Variants in TDP1 observed in about 807,000 individuals in gnomAD.
TDP1 encodes tyrosyl-DNA phosphodiesterase 1.
TDP1 carries 64 observed loss-of-function variants against 81.5 expected under a neutral mutation model. The ratio of observed to expected loss-of-function variants is 0.79; its 90% CI spans 0.64 to 0.97. The LOEUF (loss-of-function observed/expected upper bound fraction) is 0.97. TDP1 is among the 50% of genes least tolerant of loss of function. The pLI is 0.00. For missense variants in TDP1, 723 were observed against 743.8 expected (o/e 0.97, Z 0.33); for synonymous variants, 256 against 264.3 (o/e 0.97, Z 0.30).
intron 5 of TDP1, among the ~76,000 whole-genome samples, chr14:89,969,073 G>C (rs1893279754): frequency 6.6e-6 from 1 of 152,220 alleles, no homozygotes; most frequent in Admixed American, 6.5e-5. Context: ...GAAGCTGGGA[G>C]AGAGGCTTGG....
rs903371895 is a variant in TDP1 at position 89,963,375 on chromosome 14, G to T, written c.261G>T (p.Trp87Cys). Residue 87 changes from tryptophan to cysteine, a missense_variant, in exon 3 of 17, where the codon TGG becomes TGT. Trp to Cys is a radical substitution (Grantham distance 215). Coordinates refer to ENST00000335725, the MANE Select transcript of TDP1 (RefSeq NM_018319.4). Reference protein sequence around the residue: ...QKSGSQEDLGWCLSSSDDELQ... With the variant: ...QKSGSQEDLGCCLSSSDDELQ... ...GCGGTTCCCAGGAGGACCTCGGCTG[G>T]TGTCTGTCCAGCAGTGATGATGAGC... 6.2e-7 allele frequency: 1 copy of T among 1,614,198 alleles called. No individual in the cohort carries two copies. The highest frequency in any genetic ancestry group is 8.5e-7 in the Non-Finnish European group (1 of 1,180,040).
intron 14 of TDP1, among the ~76,000 whole-genome samples, chr14:89,994,619 G>A (rs948559344): frequency 1.3e-5 from 2 of 152,200 alleles, no homozygotes; most frequent in African/African-American, 4.8e-5. Context: ...TTGACTGTGG[G>A]AACACAAAGA....
rs58527505 is a variant in TDP1 at position 89,998,435 on chromosome 14, T to C, written c.1541+4952T>C. ...ATATATATATATATGTATGTATGTATGTATGTATATGTATATGTATATATA... is the reference window on the plus strand; with the variant it reads ...ATATATATATATATGTATGTATGTACGTATGTATATGTATATGTATATATA... On this transcript the variant is annotated intron_variant, in intron 14 of 16. Transcript: ENST00000335725. 1.2e-3 allele frequency among the ~76,000 whole-genome samples: 149 copies of C among 124,448 alleles called. 9 individuals carry two copies. The highest frequency in any genetic ancestry group is 5.8e-3 in the African/African-American group (138 of 23,818). The allele number at this position is 124,448 out of a possible 152,430, so 81.6% of individuals were successfully genotyped here.
At chr14:89,987,537 G>A (rs1336250449) in intron 10 of TDP1, among the ~76,000 whole-genome samples, 1 of 152,210 alleles carries the variant, frequency 6.6e-6, no homozygotes, top group Non-Finnish European at 1.5e-5. Context: ...AGAGGAGGAA[G>A]CAAGCAGGTG....
Position 89,971,256 on chromosome 14 carries a change from C to T in TDP1, c.741C>T (p.Asn247=), listed in dbSNP as rs772034428. ...ATGCCCAGGCCAAGCCTTACGAGAACATCTCTCTCTGCCAGGTAAGCCACT... is the reference window on the plus strand; with the variant it reads ...ATGCCCAGGCCAAGCCTTACGAGAATATCTCTCTCTGCCAGGTAAGCCACT... The part of the protein sequence containing the change: ...HLHAQAKPYE[N]ISLCQAKLDI... Residue 247 remains asparagine, a synonymous_variant, in exon 6 of 17, where the codon AAC becomes AAT. Coordinates refer to ENST00000335725, the MANE Select transcript of TDP1 (RefSeq NM_018319.4). 1.2e-6 allele frequency: 2 copies of T among 1,614,010 alleles called. No individual in the cohort carries two copies. Among genetic ancestry groups the T allele is most frequent in the Admixed American group, 1.7e-5 (1 of 60,028 alleles).
At chr14:89,964,294 C>T (rs1258488938) in intron 3 of TDP1, among the ~76,000 whole-genome samples, 2 of 152,214 alleles carry the variant, frequency 1.3e-5, no homozygotes, top group South Asian at 2.1e-4. Flanking sequence ...TCTCCTTATT[C>T]CTCAGGGAGC....
chr14:90,025,737 T>C (rs1886571667), intron 15 of TDP1, among the ~76,000 whole-genome samples: 1 of 152,246 alleles, frequency 6.6e-6, no homozygotes, highest in East Asian at 1.9e-4. Context: ...ATAGGAAAGC[T>C]GTGATTATTT....
chr14:89,958,138 G>C (rs1380426175), intron 2 of TDP1, among the ~76,000 whole-genome samples: 1 of 152,190 alleles, frequency 6.6e-6, no homozygotes, highest in Non-Finnish European at 1.5e-5. Flanking sequence ...CCAGACGAGG[G>C]GGATGCAGTA....
Position 89,996,024 on chromosome 14 carries a change from CA to C in TDP1, c.1541+2544del, listed in dbSNP as rs574852709. On this transcript the variant is annotated intron_variant, in intron 14 of 16. Transcript: ENST00000335725. ...ACATGGATGCTTTGGAAATAGCTGT[CA>C]AAGCCTATTTATCTTTGAAATGTTT... 7.2e-5 allele frequency among the ~76,000 whole-genome samples: 11 copies of C among 152,324 alleles called. No individual in the cohort carries two copies. In the East Asian group the frequency reaches 2.1e-3, roughly 29 times the overall value.
In TDP1 at chr14:89,989,742, G is replaced by A. The variant is rs144746398; in HGVS notation, c.1343G>A (p.Arg448Gln). ...ATCTATCCTTCTGTGGAAAATGTGC[G>A]GACCAGTTTAGAAGGATATCCTGGT... ...YLIYPSVENV[R>Q]TSLEGYPAGG... The change falls in exon 12 of 17, where the codon CGG (arginine) becomes CAG (glutamine). Residue 448 changes from arginine (R) to glutamine (Q), a missense_variant. Physicochemically the swap from Arg to Gln is conservative, Grantham distance 43. Transcript: ENST00000335725. 862 of 1,611,044 alleles carry A rather than the reference G, an allele frequency of 5.4e-4. 1 individual carries two copies. Among genetic ancestry groups the A allele is most frequent in the Non-Finnish European group, 7.0e-4 (828 of 1,177,590 alleles).
At chr14:89,959,651 A>G (rs1406842295) in intron 2 of TDP1, among the ~76,000 whole-genome samples, 1 of 152,218 alleles carries the variant, frequency 6.6e-6, no homozygotes, top group Non-Finnish European at 1.5e-5. Flanking sequence ...TGTTCTCTAG[A>G]AAATGTCTTT....
At chr14:90,016,046 CTT>C (rs1225633650) in intron 14 of TDP1, among the ~76,000 whole-genome samples, 3 of 140,870 alleles carry the variant, frequency 2.1e-5, no homozygotes, top group Admixed American at 7.1e-5. Flanking sequence ...CTTTTTTTTT[CTT>C]TTTTTTTTTT....
chr14:90,040,533 C>G (rs1485558843), intron 16 of TDP1, among the ~76,000 whole-genome samples: 1 of 152,210 alleles, frequency 6.6e-6, no homozygotes, highest in East Asian at 1.9e-4. Flanking sequence ...GCCTGCTTGT[C>G]TGTCTTCCCC....
chr14:90,005,128 T>C (rs1897548332), intron 14 of TDP1, among the ~76,000 whole-genome samples: 2 of 152,342 alleles, frequency 1.3e-5, no homozygotes, highest in South Asian at 4.1e-4. Flanking sequence ...GACTATTCAG[T>C]CTTACTGGCC....
At position 89,989,722 on chromosome 14, in the gene TDP1, T is replaced by A; in HGVS notation, c.1323T>A (p.Tyr441Ter). ...TGTTTTCCTCTTATTTTTAGATCTA[T>A]CCTTCTGTGGAAAATGTGCGGACCA... ...GKSSVPLYLI[Y>*]PSVENVRTSL... The change falls in exon 12 of 17, where the codon TAT (tyrosine) becomes TAA (stop). Residue 441 changes from tyrosine to a stop codon, truncating the protein, a stop_gained. Coordinates refer to ENST00000335725, the MANE Select transcript of TDP1 (RefSeq NM_018319.4). LOFTEE classifies it high-confidence loss of function. The A allele has an allele frequency of 3.7e-6, 6 of 1,609,144 alleles. No homozygotes were observed. Among genetic ancestry groups the A allele is most frequent in the Non-Finnish European group, 5.1e-6 (6 of 1,175,604 alleles).
intron 12 of TDP1, among the ~76,000 whole-genome samples, chr14:89,991,082 T>A (rs1566882051): frequency 6.6e-6 from 1 of 152,070 alleles, no homozygotes; most frequent in Admixed American, 6.6e-5. Context: ...TTGGAAATAG[T>A]GTGTAAAGGT....
At chr14:89,973,477 C>G (rs962137339) in intron 6 of TDP1, among the ~76,000 whole-genome samples, 5 of 152,224 alleles carry the variant, frequency 3.3e-5, no homozygotes, top group African/African-American at 1.2e-4. Flanking sequence ...TGAAGAAGCT[C>G]CCAACTCTAG....
chr14:90,005,047 T>G (rs1268449918), intron 14 of TDP1, among the ~76,000 whole-genome samples: 1 of 152,178 alleles, frequency 6.6e-6, no homozygotes, highest in Non-Finnish European at 1.5e-5. Context: ...TCACACACTT[T>G]ATAAAGGAAT....
intron 14 of TDP1, among the ~76,000 whole-genome samples, chr14:90,018,191 G>A (rs1022491686): frequency 1.3e-5 from 2 of 151,974 alleles, no homozygotes; most frequent in Admixed American, 6.5e-5. Context: ...AGTGAATCTC[G>A]AAATAGTCAC....
Sources: gnomAD v4.1 joint callset for allele counts (sites outside exome capture counted in the v4.1 genomes callset) on GRCh38, gnomAD v4.1.1 for gene constraint, MANE v1.5 for transcripts, NCBI Gene and HGNC (gene_info 2026-07-23, HGNC 2026-07-21) for gene names.